The following CD2AP variants were observed in gnomAD, a reference collection of about 807,000 sequenced individuals.
CD2AP encodes the protein CD2 associated protein.
CD2AP carries 46 observed loss-of-function variants against 85.1 expected under a neutral mutation model. The observed-to-expected ratio is 0.54, with a 90% CI of 0.43 to 0.69. The LOEUF (loss-of-function observed/expected upper bound fraction) is 0.69. CD2AP is among the 30% of genes least tolerant of loss of function. The pLI is 0.00. For synonymous variants in CD2AP, 255 were observed against 252.9 expected (o/e 1.01, Z -0.08); for missense variants, 769 against 729.5 (o/e 1.05, Z -0.62).
intron 1 of CD2AP, among the ~76,000 whole-genome samples, chr6:47,496,425 G>T (rs761664108): frequency 6.6e-6 from 1 of 151,972 alleles, no homozygotes; most frequent in Non-Finnish European, 1.5e-5. Context: ...ACTTAATTAT[G>T]AATAAGTTTA....
intron 4 of CD2AP, among the ~76,000 whole-genome samples, chr6:47,546,381 G>A (rs1767365190): frequency 1.3e-5 from 2 of 151,974 alleles, no homozygotes; most frequent in Admixed American, 1.3e-4. Context: ...AAGAATAGTT[G>A]GCCTTCTTGA....
At chr6:47,602,371 G>A (rs937016808) in intron 13 of CD2AP, among the ~76,000 whole-genome samples, 2 of 151,700 alleles carry the variant, frequency 1.3e-5, no homozygotes, top group Admixed American at 6.6e-5. Flanking sequence ...ATTGGTTTAA[G>A]GAAAATCTCA....
intron 17 of CD2AP, among the ~76,000 whole-genome samples, chr6:47,620,279 G>A (rs1180959734): frequency 3.3e-5 from 5 of 152,122 alleles, no homozygotes; most frequent in Non-Finnish European, 7.4e-5. Flanking sequence ...TCCTACATGC[G>A]GCTAGCCAAT....
At chr6:47,517,847 A>G (rs1766492153) in intron 2 of CD2AP, among the ~76,000 whole-genome samples, 1 of 152,072 alleles carries the variant, frequency 6.6e-6, no homozygotes, top group South Asian at 2.1e-4. Context: ...AGGGATATTA[A>G]TAGTATTTAT....
intron 1 of CD2AP, among the ~76,000 whole-genome samples, chr6:47,499,033 G>T (rs986219052): frequency 6.6e-6 from 1 of 152,032 alleles, no homozygotes; most frequent in Non-Finnish European, 1.5e-5. Context: ...TCCTGATTTG[G>T]CCAGTAAGAA....
intron 2 of CD2AP, among the ~76,000 whole-genome samples, chr6:47,532,596 ATT>A (rs1562019492): frequency 6.6e-6 from 1 of 151,736 alleles, no homozygotes; most frequent in African/African-American, 2.4e-5. Flanking sequence ...TGGATTTCCT[ATT>A]TTGTTTCATT....
intron 2 of CD2AP, among the ~76,000 whole-genome samples, chr6:47,524,507 TA>T (rs1418214471): frequency 4.6e-5 from 7 of 152,206 alleles, no homozygotes; most frequent in Non-Finnish European, 8.8e-5. Context: ...TGAACAAAAC[TA>T]TTAGGAAAAA....
chr6:47,551,884 C>T (rs780373548), intron 4 of CD2AP, among the ~76,000 whole-genome samples: 1 of 152,208 alleles, frequency 6.6e-6, no homozygotes, highest in Non-Finnish European at 1.5e-5. Context: ...GTGTAGGCAT[C>T]TCAAGGTCGT....
At position 47,478,163 on chromosome 6, in the gene CD2AP, C is replaced by A; in HGVS notation, c.-82C>A. ...CGCGGAGCGCGGGTCCCGCCTCCAGCCGCGGGAGCGGCCGCGCGAGCCACC... is the reference window on the plus strand; with the variant it reads ...CGCGGAGCGCGGGTCCCGCCTCCAGACGCGGGAGCGGCCGCGCGAGCCACC... On this transcript the variant is annotated 5_prime_UTR_variant, in exon 1 of 18. Transcript: ENST00000359314. 1 of 1,523,058 alleles carries A rather than the reference C, an allele frequency of 6.6e-7. No homozygotes were observed. Among genetic ancestry groups the A allele is most frequent in the Non-Finnish European group, 8.9e-7 (1 of 1,123,600 alleles). The allele number at this position is 1,523,058 out of a possible 1,614,324, so 94.3% of individuals were successfully genotyped here. A position where few individuals can be genotyped will look rare whatever the true frequency, so the allele number is the denominator to read the frequency against.
chr6:47,583,402 CCTT>C (rs1363373356), intron 11 of CD2AP, among the ~76,000 whole-genome samples: 2 of 152,134 alleles, frequency 1.3e-5, no homozygotes, highest in African/African-American at 4.8e-5. Context: ...ACTCTAAAAA[CCTT>C]CTTTATTCTA....
At chr6:47,595,808 A>C in intron 11 of CD2AP, 53 bp from the exon 12 acceptor site, 1 of 1,531,690 alleles carries the variant, frequency 6.5e-7, no homozygotes, top group Non-Finnish European at 9.0e-7. Context: ...TGGAAATAGA[A>C]AAACCTAAAT....
chr6:47,611,883 A>T (rs1769450561), intron 16 of CD2AP, among the ~76,000 whole-genome samples: 1 of 152,100 alleles, frequency 6.6e-6, no homozygotes, highest in Non-Finnish European at 1.5e-5. Flanking sequence ...TTGTGAAAAG[A>T]CATAATATTG....
intron 1 of CD2AP, among the ~76,000 whole-genome samples, chr6:47,483,516 A>G (rs978641807): frequency 1.3e-5 from 2 of 152,208 alleles, no homozygotes; most frequent in African/African-American, 4.8e-5. Flanking sequence ...GAGAAATACA[A>G]GGTGGGTATT....
chr6:47,561,593 A>G (rs1440555367), intron 5 of CD2AP, among the ~76,000 whole-genome samples: 3 of 152,088 alleles, frequency 2.0e-5, no homozygotes, highest in African/African-American at 4.8e-5. Flanking sequence ...AAATGCTTAC[A>G]TGCACATACA....
chr6:47,495,115 AT>A (rs1393350955), intron 1 of CD2AP, among the ~76,000 whole-genome samples: 2 of 152,128 alleles, frequency 1.3e-5, no homozygotes, highest in Admixed American at 6.6e-5. Flanking sequence ...GTGAGCCGAA[AT>A]TACTCCATTG....
At chr6:47,560,064 A>G (rs1412403144) in intron 5 of CD2AP, among the ~76,000 whole-genome samples, 1 of 151,912 alleles carries the variant, frequency 6.6e-6, no homozygotes, top group Non-Finnish European at 1.5e-5. Flanking sequence ...CCATCCTTCT[A>G]ACTCCAGTAC....
intron 2 of CD2AP, among the ~76,000 whole-genome samples, chr6:47,512,157 G>GA (rs918229271): frequency 9.8e-5 from 14 of 142,758 alleles, no homozygotes; most frequent in Middle Eastern, 3.9e-3. Flanking sequence ...GACTCCGTCT[G>GA]AAAAAAAAAA....
chr6:47,550,944 A>T (rs1349188923), intron 4 of CD2AP, among the ~76,000 whole-genome samples: 1 of 152,190 alleles, frequency 6.6e-6, no homozygotes, highest in African/African-American at 2.4e-5. Flanking sequence ...GAAAAACCAA[A>T]CATCATATGT....
At chr6:47,524,343 A>G (rs989246129) in intron 2 of CD2AP, among the ~76,000 whole-genome samples, 2 of 152,096 alleles carry the variant, frequency 1.3e-5, no homozygotes, top group Non-Finnish European at 2.9e-5. Context: ...CTGTGGCCTC[A>G]AGGAGTCTAG....
Sources: allele counts gnomAD v4.1 joint callset (sites outside exome capture counted in the v4.1 genomes callset), GRCh38; gene constraint gnomAD v4.1.1; transcripts MANE v1.5; gene names NCBI Gene and HGNC (gene_info 2026-07-23, HGNC 2026-07-21).